The following ASIC2 variants were observed in gnomAD, a reference collection of about 807,000 sequenced individuals.
ASIC2 encodes the protein acid sensing ion channel subunit 2.
A neutral mutation model predicts 57.3 loss-of-function variants in ASIC2; 25 were observed. That is an observed-to-expected ratio of 0.44 (90% CI 0.32 to 0.61). The LOEUF (loss-of-function observed/expected upper bound fraction) is 0.61, where lower values mean the gene tolerates loss of function less well. Ranked by LOEUF, ASIC2 falls within the 20% of genes least tolerant of loss-of-function variation. The probability of loss-of-function intolerance (pLI) is 0.06; values close to 1 mark genes in which losing one functional copy is unlikely to be tolerated. For synonymous variants in ASIC2, 319 were observed against 307.5 expected, an observed-to-expected ratio of 1.04 and a Z score of -0.39; for missense variants, 641 against 738.1, an observed-to-expected ratio of 0.87 and a Z score of 1.52.
At chr17:33,695,979 T>C (rs1261602766) in intron 1 of ASIC2, among the ~76,000 whole-genome samples, 1 of 152,234 alleles carries the variant, frequency 6.6e-6, no homozygotes, top group Non-Finnish European at 1.5e-5. Context: ...TTGAGACCTA[T>C]CTATATTCAC....
At chr17:33,662,636 T>TAAAC (rs1371208830) in intron 1 of ASIC2, among the ~76,000 whole-genome samples, 1 of 127,638 alleles carries the variant, frequency 7.8e-6, no homozygotes, top group African/African-American at 3.1e-5. Flanking sequence ...AATAAATAAA[T>TAAAC]AAATAAATAA....
intron 1 of ASIC2, among the ~76,000 whole-genome samples, chr17:33,945,900 C>G (rs1371212430): frequency 6.6e-6 from 1 of 152,166 alleles, no homozygotes; most frequent in Non-Finnish European, 1.5e-5. Context: ...TCAAAGTGGA[C>G]AAGACAAGGA....
At chr17:33,773,515 A>C (rs1911177949) in intron 1 of ASIC2, among the ~76,000 whole-genome samples, 1 of 152,062 alleles carries the variant, frequency 6.6e-6, no homozygotes, top group African/African-American at 2.4e-5. Context: ...TCATTATCCC[A>C]GTTCTACTTC....
intron 1 of ASIC2, among the ~76,000 whole-genome samples, chr17:33,466,762 A>G (rs1001695644): frequency 3.3e-5 from 5 of 152,244 alleles, no homozygotes; most frequent in African/African-American, 1.2e-4. Context: ...TCCCCATTTA[A>G]TAAATGGTTC....
chr17:33,342,354 G>A (rs962251495), intron 1 of ASIC2, among the ~76,000 whole-genome samples: 1 of 146,876 alleles, frequency 6.8e-6, no homozygotes, highest in African/African-American at 2.5e-5. Flanking sequence ...GTGTGTACGT[G>A]TGTGTGTGTG....
chr17:33,528,063 C>T (rs1183578006), intron 1 of ASIC2, among the ~76,000 whole-genome samples: 1 of 152,018 alleles, frequency 6.6e-6, no homozygotes, highest in Non-Finnish European at 1.5e-5. Flanking sequence ...AGCAATGCAT[C>T]CAAGGTGAGA....
At chr17:33,247,627 T>C (rs1031884642) in intron 1 of ASIC2, among the ~76,000 whole-genome samples, 16 of 152,228 alleles carry the variant, frequency 1.1e-4, no homozygotes, top group African/African-American at 3.9e-4. Context: ...TACCCGTGTC[T>C]ACTCTCAGCC....
chr17:33,582,471 G>A (rs79042714), intron 1 of ASIC2, among the ~76,000 whole-genome samples: 11,954 of 152,166 alleles, frequency 0.079, 628 homozygotes, highest in Non-Finnish European at 0.12. Flanking sequence ...TGGAGTCTGA[G>A]GTCTAATCTC....
chr17:33,682,127 T>G (rs1908021589), intron 1 of ASIC2, among the ~76,000 whole-genome samples: 1 of 149,038 alleles, frequency 6.7e-6, no homozygotes, highest in South Asian at 2.1e-4. Context: ...TAGTGCAATC[T>G]TGGCTCACTG....
intron 1 of ASIC2, among the ~76,000 whole-genome samples, chr17:33,567,050 C>G (rs1430809067): frequency 6.6e-6 from 1 of 152,158 alleles, no homozygotes; most frequent in Non-Finnish European, 1.5e-5. Context: ...CTTGTTTTCT[C>G]TTGCATGTGT....
At chr17:33,463,359 A>G (rs1912705449) in intron 1 of ASIC2, among the ~76,000 whole-genome samples, 1 of 152,246 alleles carries the variant, frequency 6.6e-6, no homozygotes, top group African/African-American at 2.4e-5. Context: ...TTAATGCATC[A>G]TGATGATTCT....
Position 33,209,590 on chromosome 17 carries a change from G to T in ASIC2, c.708+81818C>A, listed in dbSNP as rs115368652. On this transcript the variant is annotated intron_variant, in intron 1 of 9. Coordinates refer to ENST00000225823, the MANE Select transcript of ASIC2 (RefSeq NM_183377.2). Reference sequence around the variant, plus strand: ...AAAATGTCTCCAGGCACTGCCAATTGTCCCGTGGGGGCCAAAACTGCCACC... The same window carrying T: ...AAAATGTCTCCAGGCACTGCCAATTTTCCCGTGGGGGCCAAAACTGCCACC... Among the ~76,000 whole-genome samples the T allele has an allele frequency of 5.1e-3, 774 of 152,286 alleles. 6 individuals are homozygous for T. The highest frequency in any genetic ancestry group is 0.018 in the African/African-American group (748 of 41,562).
chr17:33,750,260 C>G (rs1376070701), intron 1 of ASIC2, among the ~76,000 whole-genome samples: 2 of 152,220 alleles, frequency 1.3e-5, no homozygotes, highest in African/African-American at 2.4e-5. Flanking sequence ...TATCCAGGAC[C>G]CTGGGCAACC....
chr17:34,090,351 G>A (rs1179133175), intron 1 of ASIC2, among the ~76,000 whole-genome samples: 1 of 152,154 alleles, frequency 6.6e-6, no homozygotes, highest in Non-Finnish European at 1.5e-5. Flanking sequence ...ACTTTTCCAA[G>A]GTTACTGAGT....
chr17:33,418,024 ATGTATGTGTGTGTG>A (rs1166248787), intron 1 of ASIC2, among the ~76,000 whole-genome samples: 29 of 110,362 alleles, frequency 2.6e-4, no homozygotes, highest in African/African-American at 7.0e-4. Flanking sequence ...CTCAGCATGT[ATGTATGTGTGTGTG>A]TGTGTGTGTG....
In ASIC2 at chr17:33,215,228, G is replaced by A. The variant is rs561834518; in HGVS notation, c.708+76180C>T. Among the ~76,000 whole-genome samples, 17 of 152,308 alleles carry A rather than the reference G, an allele frequency of 1.1e-4. 1 individual carries two copies. Among genetic ancestry groups the A allele is most frequent in the African/African-American group, 3.6e-4 (15 of 41,562 alleles). On this transcript the variant is annotated intron_variant, in intron 1 of 9. Transcript: ENST00000225823. ...TATTGTAAAATGGGGATTCTCATAC[G>A]ATTCTGGGGAGAGGGTACATTTGGG...
Position 34,036,273 on chromosome 17 carries a change from C to T in ASIC2, c.555+119705G>A, listed in dbSNP as rs535345372. Among the ~76,000 whole-genome samples the T allele has an allele frequency of 1.0e-4, 15 of 148,000 alleles. 1 individual carries two copies. Among genetic ancestry groups the T allele is most frequent in the African/African-American group, 3.0e-4 (12 of 40,008 alleles). On this transcript the variant is annotated intron_variant, in intron 1 of 9. Coordinates refer to the ASIC2 transcript ENST00000359872. ...CATTCTCAGCAAGCTATCGCAAGGA[C>T]AAAAAACCAAACATCGCATGTTCTC...
intron 1 of ASIC2, among the ~76,000 whole-genome samples, chr17:33,378,573 A>G (rs1909363656): frequency 6.6e-6 from 1 of 152,192 alleles, no homozygotes; most frequent in African/African-American, 2.4e-5. Flanking sequence ...GTGTGGGTAG[A>G]ATTGCCTCAA....
chr17:33,773,287 G>A (rs1242648216), intron 1 of ASIC2, among the ~76,000 whole-genome samples: 1 of 151,980 alleles, frequency 6.6e-6, no homozygotes, highest in Non-Finnish European at 1.5e-5. Context: ...TGGTCACAAG[G>A]AAAGCACTTG....
Sources: gnomAD v4.1 joint callset for allele counts (sites outside exome capture counted in the v4.1 genomes callset) on GRCh38, gnomAD v4.1.1 for gene constraint, MANE v1.5 for transcripts, NCBI Gene and HGNC (gene_info 2026-07-23, HGNC 2026-07-21) for gene names.